Variants in YIPF4 observed in about 807,000 individuals in gnomAD.
The protein encoded by YIPF4 is protein YIPF4.
Under a neutral mutation model 29.4 loss-of-function variants are expected in YIPF4, and 18 were observed. The observed-to-expected ratio is 0.61, with a 90% CI of 0.42 to 0.91. The LOEUF is 0.91. Among genes scored for constraint, YIPF4 ranks in the 40% least tolerant of loss-of-function variants. YIPF4 has a pLI of 0.00. For synonymous variants in YIPF4, 115 were observed against 104.7 expected, an observed-to-expected ratio of 1.10 and a Z score of -0.60; for missense variants, 279 against 282.7, an observed-to-expected ratio of 0.99 and a Z score of 0.09.
chr2:32,290,782 CTG>C (rs1308035038), intron 2 of YIPF4, 146 bp downstream of exon 2: 4 of 435,766 alleles, frequency 9.2e-6, no homozygotes, highest in Non-Finnish European at 1.5e-5. Flanking sequence ...ATTTAAAAAA[CTG>C]AAATAATAAT....
In YIPF4 at chr2:32,315,902, A is replaced by C. The variant is rs554369973; in HGVS notation, c.*10276A>C. 1 of 151,704 alleles carries C rather than the reference A, an allele frequency of 6.6e-6. No individual in the cohort carries two copies. The highest frequency in any genetic ancestry group is 6.6e-5 in the Admixed American group (1 of 15,236). 9.4% of individuals were successfully genotyped at this position (151,704 alleles called of 1,614,324 possible). On this transcript the variant is annotated 3_prime_UTR_variant, in exon 6 of 6. Transcript: ENST00000238831. ...TAAATGAAACACAGAAGCCATGGCC[A>C]GGCACGGTGGCTCATGCCTGTAATC... is the stretch of plus-strand genomic sequence containing the variant.
In YIPF4 at chr2:32,307,401, A is replaced by G. The variant is rs1254641433; in HGVS notation, c.*1775A>G. On this transcript the variant is annotated 3_prime_UTR_variant, in exon 6 of 6. Coordinates refer to ENST00000238831, the MANE Select transcript of YIPF4 (RefSeq NM_032312.4). ...AATGGTTTAATTTTTAAAAACTATC[A>G]TTGCTTTAAGGTATGAATTTTAAAA... The G allele has an allele frequency of 1.1e-5, 2 of 181,332 alleles. No homozygotes were observed. The highest frequency in any genetic ancestry group is 2.4e-5 in the Non-Finnish European group (2 of 82,178). 11.2% of individuals were successfully genotyped at this position (181,332 alleles called of 1,614,324 possible). A position where few individuals can be genotyped will look rare whatever the true frequency, so the allele number is the denominator to read the frequency against.
intron 3 of YIPF4, among the ~76,000 whole-genome samples, chr2:32,294,826 A>G (rs891989662): frequency 6.6e-6 from 1 of 152,228 alleles, no homozygotes; most frequent in Non-Finnish European, 1.5e-5. Context: ...GCACCTCCGG[A>G]GGCCGAGGCT....
intron 5 of YIPF4, 88 bp from the exon 6 acceptor site, chr2:32,305,401 T>C (rs1369370480): frequency 1.8e-5 from 24 of 1,350,530 alleles, no homozygotes; most frequent in South Asian, 1.1e-4. Context: ...TTTAAAAATA[T>C]TGTAAACACC....
chr2:32,307,987 C>G lies in YIPF4; in HGVS notation c.*2361C>G, dbSNP rs1310959688. On this transcript the variant is annotated 3_prime_UTR_variant, in exon 6 of 6. Coordinates refer to ENST00000238831, the MANE Select transcript of YIPF4 (RefSeq NM_032312.4). ...TTGTAGATGTGTGCAAGACACAGTA[C>G]TGCTATGGCTAATAATGGTAAGATG... 1 of 146,388 alleles carries G rather than the reference C, an allele frequency of 6.8e-6. No individual in the cohort carries two copies. The highest frequency in any genetic ancestry group is 2.5e-5 in the African/African-American group (1 of 39,648). The allele number at this position is 146,388 out of a possible 1,614,324, so 9.1% of individuals were successfully genotyped here. A position where few individuals can be genotyped will look rare whatever the true frequency, so the allele number is the denominator to read the frequency against.
At chr2:32,293,791 T>C (rs1573534464) in intron 3 of YIPF4, among the ~76,000 whole-genome samples, 2 of 134,234 alleles carry the variant, frequency 1.5e-5, no homozygotes, top group Admixed American at 7.4e-5. Context: ...TAGGGGCGGC[T>C]GGGCAGAGGC....
chr2:32,293,428 A>C (rs1056560046), intron 3 of YIPF4, among the ~76,000 whole-genome samples: 5 of 152,220 alleles, frequency 3.3e-5, no homozygotes, highest in Non-Finnish European at 7.3e-5. Context: ...GATCAACAGG[A>C]TCCCAAGGCA....
intron 2 of YIPF4, 68 bp from the exon 3 acceptor site, chr2:32,292,109 T>G (rs1285440449): frequency 9.0e-7 from 1 of 1,117,288 alleles, no homozygotes; most frequent in African/African-American, 1.6e-5. Flanking sequence ...TTTTCTTAAT[T>G]TTTTTTTGGA....
At chr2:32,299,477 G>A (rs184434713) in intron 4 of YIPF4, among the ~76,000 whole-genome samples, 174 of 152,288 alleles carry the variant, frequency 1.1e-3, no homozygotes, top group African/African-American at 4.0e-3. Flanking sequence ...AAAAGGGAGA[G>A]TATTTTAATA....
rs548904461 is a variant in YIPF4 at position 32,306,549 on chromosome 2, A to G, written c.*923A>G. 1 of 985,330 alleles carries G rather than the reference A, an allele frequency of 1.0e-6. No homozygotes were observed. Among genetic ancestry groups the G allele is most frequent in the East Asian group, 1.1e-4 (1 of 8,818 alleles). The allele number at this position is 985,330 out of a possible 1,614,324, so 61.0% of individuals were successfully genotyped here. On this transcript the variant is annotated 3_prime_UTR_variant, in exon 6 of 6. Transcript: ENST00000238831. Reference sequence around the variant, plus strand: ...TTGAACAATGTTATATGAAGTAGAAAAAATAAAATACTTCCCAGTTGTGTG... The same window carrying G: ...TTGAACAATGTTATATGAAGTAGAAGAAATAAAATACTTCCCAGTTGTGTG...
intron 5 of YIPF4, among the ~76,000 whole-genome samples, chr2:32,303,374 C>T (rs2031470401): frequency 6.6e-6 from 1 of 152,094 alleles, no homozygotes; most frequent in Admixed American, 6.5e-5. Flanking sequence ...TAGTACAGTG[C>T]TTGGCACAGA....
rs427177 is a variant in YIPF4, at chr2:32,312,758, C to T, written c.*7132C>T. 74,636 of 151,982 alleles carry T rather than the reference C, an allele frequency of 0.49. 18,643 individuals carry two copies. The highest frequency in any genetic ancestry group is 0.54 in the Non-Finnish European group (36,615 of 68,142). 9.4% of individuals were successfully genotyped at this position (151,982 alleles called of 1,614,324 possible). ...CTGCAATCCCAGCACTTTGGGAGACCGAGGCGGGTGGATCACGAGGTCAGG... is the reference window on the plus strand; with the variant it reads ...CTGCAATCCCAGCACTTTGGGAGACTGAGGCGGGTGGATCACGAGGTCAGG... On this transcript the variant is annotated 3_prime_UTR_variant, in exon 6 of 6. Transcript: ENST00000238831.
intron 1 of YIPF4, among the ~76,000 whole-genome samples, chr2:32,289,242 C>T (rs965049824): frequency 3.3e-5 from 5 of 152,022 alleles, no homozygotes; most frequent in African/African-American, 4.8e-5. Context: ...AACTAGGGCC[C>T]GGAAAACATG....
In YIPF4 at chr2:32,290,513, T is replaced by A; in HGVS notation, c.110T>A (p.Val37Asp). 1 of 1,575,426 alleles carries A rather than the reference T, an allele frequency of 6.3e-7. No homozygotes were observed. Among genetic ancestry groups the A allele is most frequent in the Non-Finnish European group, 8.6e-7 (1 of 1,161,684 alleles). Residue 37 changes from valine to aspartate, a missense_variant, in exon 2 of 6, where the codon GTC becomes GAC. Transcript: ENST00000238831. The stretch of plus-strand genomic sequence containing the variant: ...AGTGGTTCAATAGCATCCCCAGATG[T>A]CAAATTAAATCTTGGTGGAGATTTT... ...DLSGSIASPD[V>D]KLNLGGDFIK...
In YIPF4 at chr2:32,301,436, G is replaced by T. The variant is rs752830329; in HGVS notation, c.538G>T (p.Val180Leu). The T allele has an allele frequency of 1.2e-6, 2 of 1,613,830 alleles. No individual in the cohort carries two copies. Among genetic ancestry groups the T allele is most frequent in the Non-Finnish European group, 1.7e-6 (2 of 1,179,866 alleles). ...AGGATATTCATTACTTCCTCTCATTGTAATAGCCCCTGTACTTTTGGTGGT... is the reference window on the plus strand; with the variant it reads ...AGGATATTCATTACTTCCTCTCATTTTAATAGCCCCTGTACTTTTGGTGGT... ...VIGYSLLPLI[V>L]IAPVLLVVGS... The change falls in exon 5 of 6, where the codon GTA (valine) becomes TTA (leucine). Residue 180 changes from valine to leucine, a missense_variant. Val to Leu is a conservative substitution (Grantham distance 32). Transcript: ENST00000238831.
chr2:32,299,314 A>G (rs1000361167), intron 4 of YIPF4, among the ~76,000 whole-genome samples: 7 of 152,244 alleles, frequency 4.6e-5, no homozygotes, highest in Non-Finnish European at 8.8e-5. Flanking sequence ...GAGTTAGAAG[A>G]GTAGCATTAT....
intron 3 of YIPF4, among the ~76,000 whole-genome samples, chr2:32,294,265 T>C (rs1414411013): frequency 1.1e-4 from 15 of 140,714 alleles, no homozygotes; most frequent in Admixed American, 9.8e-4. Context: ...TCCTCACTTC[T>C]CAGACGGGGC....
intron 3 of YIPF4, among the ~76,000 whole-genome samples, chr2:32,296,119 T>A (rs1482146805): frequency 6.6e-6 from 1 of 152,214 alleles, no homozygotes; most frequent in African/African-American, 2.4e-5. Context: ...TACCACTGGT[T>A]CTTCATCTAG....
intron 1 of YIPF4, among the ~76,000 whole-genome samples, chr2:32,282,653 C>G (rs1343872800): frequency 6.6e-6 from 1 of 152,054 alleles, no homozygotes; most frequent in South Asian, 2.1e-4. Flanking sequence ...AAGCTGTTCT[C>G]GAACTCCTGA....
Sources: gnomAD v4.1 joint callset for allele counts (sites outside exome capture counted in the v4.1 genomes callset) on GRCh38, gnomAD v4.1.1 for gene constraint, MANE v1.5 for transcripts, NCBI Gene and HGNC (gene_info 2026-07-23, HGNC 2026-07-21) for gene names.